Variants in CDYL2 observed in about 807,000 individuals in gnomAD.
The protein encoded by CDYL2 is chromodomain Y-like protein 2.
A neutral mutation model predicts 49.4 loss-of-function variants in CDYL2; 23 were observed. The observed-to-expected ratio is 0.47, with a 90% confidence interval of 0.34 to 0.66. CDYL2 has a LOEUF of 0.66. CDYL2 is among the 30% of genes least tolerant of loss of function. The pLI is 0.01. For missense variants in CDYL2, 678 were observed against 656.4 expected (o/e 1.03, Z -0.36); for synonymous variants, 360 against 268.8 (o/e 1.34, Z -3.32).
intron 1 of CDYL2, among the ~76,000 whole-genome samples, chr16:80,708,879 G>A (rs1597090714): frequency 2.0e-5 from 3 of 152,172 alleles, no homozygotes; most frequent in African/African-American, 7.2e-5. Context: ...TTATAAAGTT[G>A]CTGCAATCCT....
intron 2 of CDYL2, among the ~76,000 whole-genome samples, chr16:80,645,335 C>G (rs369337682): frequency 1.8e-4 from 27 of 151,762 alleles, no homozygotes; most frequent in South Asian, 1.0e-3. Flanking sequence ...GATATGAACA[C>G]ACACTTCTCA....
chr16:80,682,659 T>C (rs1910013761), intron 2 of CDYL2, among the ~76,000 whole-genome samples: 1 of 152,158 alleles, frequency 6.6e-6, no homozygotes, highest in African/African-American at 2.4e-5. Flanking sequence ...TGCTAACAGC[T>C]GGAATGCAGG....
Position 80,604,276 on chromosome 16 carries a change from C to G in CDYL2, c.*112G>C, listed in dbSNP as rs369354115. ...AAGGACACGAGGAAATGGACACAAC[C>G]CTACGTATAAAGAGACACCTTGACA... On this transcript the variant is annotated 3_prime_UTR_variant, in exon 7 of 7. Coordinates refer to ENST00000570137, the MANE Select transcript of CDYL2 (RefSeq NM_152342.4). 4,272 of 1,178,772 alleles carry G rather than the reference C, an allele frequency of 3.6e-3. 14 individuals are homozygous for G. Among genetic ancestry groups the G allele is most frequent in the Non-Finnish European group, 4.6e-3 (3,741 of 817,228 alleles). The allele number at this position is 1,178,772 out of a possible 1,614,324, so 73.0% of individuals were successfully genotyped here. A position where few individuals can be genotyped will look rare whatever the true frequency, so the allele number is the denominator to read the frequency against.
chr16:80,612,511 G>T lies in CDYL2; in HGVS notation c.1218+115C>A, dbSNP rs1906643556. ...GGTGTGAAGGACATGAGGCAGCCAA[G>T]CCAATCTGCAGGCTGACAACACCCT... On this transcript the variant is annotated intron_variant, in intron 5 of 6. Coordinates refer to ENST00000570137, the MANE Select transcript of CDYL2 (RefSeq NM_152342.4). This position sits in a 1 kb window ranked among gnomAD's most constrained non-coding sequence, Gnocchi z 5.0. The T allele has an allele frequency of 1.9e-6, 2 of 1,059,244 alleles. No individual in the cohort carries two copies. The highest frequency in any genetic ancestry group is 2.7e-6 in the Non-Finnish European group (2 of 730,398). The allele number at this position is 1,059,244 out of a possible 1,614,324, so 65.6% of individuals were successfully genotyped here. A position where few individuals can be genotyped will look rare whatever the true frequency, so the allele number is the denominator to read the frequency against.
At chr16:80,634,985 G>C (rs1035454810) in intron 2 of CDYL2, among the ~76,000 whole-genome samples, 1 of 152,210 alleles carries the variant, frequency 6.6e-6, no homozygotes, top group Non-Finnish European at 1.5e-5. Flanking sequence ...TGAGGCTTGA[G>C]TTGCCCTAAT....
At chr16:80,699,453 G>C (rs748840136) in intron 1 of CDYL2, among the ~76,000 whole-genome samples, 9 of 152,316 alleles carry the variant, frequency 5.9e-5, no homozygotes, top group Non-Finnish European at 1.2e-4. Flanking sequence ...ATACGTGGAA[G>C]CTAAAAAAGT....
Position 80,604,288 on chromosome 16 carries a change from G to A in CDYL2, c.*100C>T. 3.0e-6 allele frequency: 4 copies of A among 1,322,354 alleles called. No individual in the cohort carries two copies. Among genetic ancestry groups the A allele is most frequent in the Non-Finnish European group, 4.3e-6 (4 of 937,084 alleles). The allele number at this position is 1,322,354 out of a possible 1,614,324, so 81.9% of individuals were successfully genotyped here. A position where few individuals can be genotyped will look rare whatever the true frequency, so the allele number is the denominator to read the frequency against. Reference sequence around the variant, plus strand: ...AAATGGACACAACCCTACGTATAAAGAGACACCTTGACAAACTCCTTGGCC... The same window carrying A: ...AAATGGACACAACCCTACGTATAAAAAGACACCTTGACAAACTCCTTGGCC... On this transcript the variant is annotated 3_prime_UTR_variant, in exon 7 of 7. Transcript: ENST00000570137.
chr16:80,600,162 C>A lies in CDYL2; in HGVS notation c.*4226G>T, dbSNP rs7186246. 6.6e-6 allele frequency: 1 copy of A among 152,060 alleles called. No homozygotes were observed. Among genetic ancestry groups the A allele is most frequent in the Non-Finnish European group, 1.5e-5 (1 of 68,020 alleles). The allele number at this position is 152,060 out of a possible 1,614,324, so 9.4% of individuals were successfully genotyped here. ...GTAAGGCTTATTCACAAATTCAATA[C>A]ATTTTGAAATTATACTTCAAACGCA... On this transcript the variant is annotated 3_prime_UTR_variant, in exon 7 of 7. Transcript: ENST00000570137.
At chr16:80,717,582 T>A (rs1489732751) in intron 1 of CDYL2, among the ~76,000 whole-genome samples, 2 of 152,136 alleles carry the variant, frequency 1.3e-5, no homozygotes, top group Non-Finnish European at 2.9e-5. Flanking sequence ...AGAAAACCCC[T>A]GAGAGAAACT....
chr16:80,612,806 C>T lies in CDYL2; in HGVS notation c.1038G>A (p.Lys346=), dbSNP rs1295137769. ...CATTGATGGCCACCACGATAGGCTTCTTAAACTGGATAAAGGCCTTCACAA... is the reference window on the plus strand; with the variant it reads ...CATTGATGGCCACCACGATAGGCTTTTTAAACTGGATAAAGGCCTTCACAA... ...RDFVKAFIQF[K]KPIVVAINGP... is the part of the protein sequence containing the mutation. The change falls in exon 5 of 7, where the codon AAG becomes AAA. Residue 346 remains lysine, a synonymous_variant. Transcript: ENST00000570137. The surrounding 1 kb of genome is among the most constrained non-coding windows in gnomAD (Gnocchi z 5.0). 8 of 1,613,528 alleles carry T rather than the reference C, an allele frequency of 5.0e-6. No homozygotes were observed. The African/African-American group carries it at 6.7e-5, about 13-fold the overall frequency.
At chr16:80,712,198 T>TATAA (rs1567581126) in intron 1 of CDYL2, among the ~76,000 whole-genome samples, 1 of 120,424 alleles carries the variant, frequency 8.3e-6, no homozygotes, top group African/African-American at 2.7e-5. Flanking sequence ...TGTGTATATA[T>TATAA]ATATATATAT....
At chr16:80,797,012 A>G (rs534022022) in intron 1 of CDYL2, among the ~76,000 whole-genome samples, 27 of 151,282 alleles carry the variant, frequency 1.8e-4, no homozygotes, top group African/African-American at 6.6e-4. Flanking sequence ...TTTTTTTTCT[A>G]CCTCTCTTGC....
At chr16:80,754,748 T>C (rs1906251371) in intron 1 of CDYL2, among the ~76,000 whole-genome samples, 1 of 152,140 alleles carries the variant, frequency 6.6e-6, no homozygotes, top group Non-Finnish European at 1.5e-5. Context: ...GCTCAATAAG[T>C]TATTAGTTTG....
At chr16:80,801,540 T>TGTCAGCAGACAC (rs1157410893) in intron 1 of CDYL2, among the ~76,000 whole-genome samples, 2 of 152,186 alleles carry the variant, frequency 1.3e-5, no homozygotes, top group Non-Finnish European at 2.9e-5. Flanking sequence ...ACAGGTGAAA[T>TGTCAGCAGACAC]ATATCAATTA....
intron 1 of CDYL2, among the ~76,000 whole-genome samples, chr16:80,759,211 C>G (rs1377453596): frequency 7.1e-6 from 1 of 141,082 alleles, no homozygotes; most frequent in East Asian, 2.1e-4. Context: ...ATATGTTAAT[C>G]TACCTATGAT....
chr16:80,618,771 CA>C (rs1906945837), intron 4 of CDYL2, among the ~76,000 whole-genome samples: 1 of 152,194 alleles, frequency 6.6e-6, no homozygotes, highest in Non-Finnish European at 1.5e-5. Context: ...CCCCATCCAG[CA>C]AAGGTGAAGA....
At chr16:80,644,056 G>A (rs1908224451) in intron 2 of CDYL2, among the ~76,000 whole-genome samples, 1 of 152,166 alleles carries the variant, frequency 6.6e-6, no homozygotes, top group African/African-American at 2.4e-5. Flanking sequence ...TTTTAAAACT[G>A]AATGCTTTTA....
chr16:80,608,637 A>G (rs1237987839), intron 5 of CDYL2, among the ~76,000 whole-genome samples: 1 of 152,132 alleles, frequency 6.6e-6, no homozygotes, highest in Non-Finnish European at 1.5e-5. Flanking sequence ...TCCCTTCTAG[A>G]TAATAAAGCT....
intron 1 of CDYL2, among the ~76,000 whole-genome samples, chr16:80,755,860 G>C (rs1402729950): frequency 5.3e-5 from 8 of 152,138 alleles, no homozygotes; most frequent in Admixed American, 5.2e-4. Context: ...AGCAGGGGGA[G>C]GTAATACATG....
Sources: gnomAD v4.1 joint callset for allele counts (sites outside exome capture counted in the v4.1 genomes callset) on GRCh38, gnomAD v4.1.1 for gene constraint, Gnocchi (gnomAD v3.1) non-coding constraint, MANE v1.5 for transcripts, NCBI Gene and HGNC (gene_info 2026-07-23, HGNC 2026-07-21) for gene names.